The following DGKG variants were observed in gnomAD, a reference collection of about 807,000 sequenced individuals.
The protein encoded by DGKG is diacylglycerol kinase gamma, also known as DAG kinase gamma.
In DGKG, 78 loss-of-function variants were observed where a neutral mutation model predicts 105.3. That is an observed-to-expected ratio of 0.74 (90% confidence interval 0.62 to 0.89). The LOEUF is 0.89. Among genes scored for constraint, DGKG ranks in the 40% least tolerant of loss-of-function variants. The pLI is 0.00. For synonymous variants in DGKG, 346 were observed against 367.1 expected, an observed-to-expected ratio of 0.94 and a Z score of 0.66; for missense variants, 958 against 1,020.1, an observed-to-expected ratio of 0.94 and a Z score of 0.83.
intron 16 of DGKG, among the ~76,000 whole-genome samples, chr3:186,260,020 G>C (rs1430307398): frequency 1.3e-5 from 2 of 152,196 alleles, no homozygotes; most frequent in African/African-American, 4.8e-5. Context: ...GCAGAACTCT[G>C]AGTCACTGTC....
rs567161300 is a variant in DGKG at position 186,331,244 on chromosome 3, G to A, written c.-248-10537C>T. On this transcript the variant is annotated intron_variant, in intron 1 of 24. Coordinates refer to ENST00000265022, the MANE Select transcript of DGKG (RefSeq NM_001346.3). Reference sequence around the variant, plus strand: ...AAGACTGACATGCAATGACAACAACGGGGCCTTCCCCAGGTCACAGGATTC... The same window carrying A: ...AAGACTGACATGCAATGACAACAACAGGGCCTTCCCCAGGTCACAGGATTC... Among the ~76,000 whole-genome samples the A allele has an allele frequency of 2.8e-4, 43 of 152,254 alleles. No homozygotes were observed. The South Asian group carries it at 8.3e-3, about 29-fold the overall frequency.
intron 21 of DGKG, among the ~76,000 whole-genome samples, chr3:186,205,569 G>A (rs1294049534): frequency 1.3e-5 from 2 of 152,032 alleles, no homozygotes; most frequent in African/African-American, 4.8e-5. Context: ...AATTAACTAG[G>A]TGTGGTGGCG....
intron 3 of DGKG, among the ~76,000 whole-genome samples, chr3:186,305,782 G>A (rs183089737): frequency 7.0e-4 from 106 of 152,288 alleles, no homozygotes; most frequent in Non-Finnish European, 1.2e-3. Context: ...CAATGAATTG[G>A]ATGTGGGATG....
intron 19 of DGKG, among the ~76,000 whole-genome samples, chr3:186,245,053 C>T (rs1720875441): frequency 6.6e-6 from 1 of 152,312 alleles, no homozygotes; most frequent in Admixed American, 6.5e-5. Context: ...AAAGCAATCA[C>T]ATGTTGCCTG....
rs575544120 is a variant in DGKG at position 186,147,382 on chromosome 3, C to T, written c.*2708G>A. On this transcript the variant is annotated 3_prime_UTR_variant, in exon 25 of 25. Transcript: ENST00000265022. ...TAAGCCTTGTTCTCCTCATTGAGAT[C>T]GAGATAATAATACCTTCTCTGCTAA... is the stretch of plus-strand genomic sequence containing the variant. 1.8e-5 allele frequency: 18 copies of T among 978,880 alleles called. No homozygotes were observed. The South Asian group carries it at 6.6e-4, about 36-fold the overall frequency. The allele number at this position is 978,880 out of a possible 1,614,324, so 60.6% of individuals were successfully genotyped here. A position where few individuals can be genotyped will look rare whatever the true frequency, so the allele number is the denominator to read the frequency against.
intron 3 of DGKG, 111 bp downstream of exon 3, chr3:186,306,790 T>G (rs1182722593): frequency 1.4e-6 from 1 of 713,544 alleles, no homozygotes; most frequent in Non-Finnish European, 2.5e-6. Context: ...AGAGGAAACA[T>G]GCTGAGGAGC....
intron 24 of DGKG, chr3:186,160,500 T>C (rs577802657): frequency 1.0e-6 from 1 of 985,412 alleles, no homozygotes; most frequent in South Asian, 4.7e-5. Flanking sequence ...TTGGTCTTCA[T>C]AAGATTGAGG....
intron 7 of DGKG, among the ~76,000 whole-genome samples, chr3:186,281,922 C>T (rs758797547): frequency 2.0e-5 from 3 of 152,182 alleles, no homozygotes; most frequent in African/African-American, 4.8e-5. Flanking sequence ...TCATAGGGGA[C>T]GGATTCTGTT....
At chr3:186,318,887 T>A (rs1724944788) in intron 2 of DGKG, among the ~76,000 whole-genome samples, 1 of 152,190 alleles carries the variant, frequency 6.6e-6, no homozygotes, top group African/African-American at 2.4e-5. Flanking sequence ...TGGTTTTTGA[T>A]CCCCTTCTCG....
chr3:186,306,793 T>G (rs1432012304), intron 3 of DGKG, 108 bp downstream of exon 3: 3 of 726,974 alleles, frequency 4.1e-6, no homozygotes, highest in African/African-American at 1.8e-5. Flanking sequence ...GGAAACATGC[T>G]GAGGAGCAAG....
intron 2 of DGKG, among the ~76,000 whole-genome samples, chr3:186,311,618 G>C (rs1233205787): frequency 2.0e-5 from 3 of 152,118 alleles, no homozygotes; most frequent in Non-Finnish European, 4.4e-5. Flanking sequence ...ACCAAGCACT[G>C]TTCCTAGTGT....
intron 20 of DGKG, among the ~76,000 whole-genome samples, chr3:186,212,175 T>G (rs973854190): frequency 6.6e-6 from 1 of 152,190 alleles, no homozygotes; most frequent in Non-Finnish European, 1.5e-5. Flanking sequence ...TGTAGCTGCA[T>G]TAAGGAAAGA....
rs1224568770 is a variant in DGKG, at chr3:186,361,628, C to G, written c.-249+318G>C. ...TTAAGTCCAGAAGAAGAAGGAAATC[C>G]GACCAGTTGCTTTAGCAAACTGCCT... On this transcript the variant is annotated intron_variant, in intron 1 of 24. Coordinates refer to ENST00000265022, the MANE Select transcript of DGKG (RefSeq NM_001346.3). This position sits in a 1 kb window ranked among gnomAD's most constrained non-coding sequence, Gnocchi z 6.8. Among the ~76,000 whole-genome samples the G allele has an allele frequency of 6.6e-6, 1 of 152,216 alleles. No individual in the cohort carries two copies.
intron 24 of DGKG, chr3:186,160,379 T>C: frequency 6.1e-6 from 6 of 985,344 alleles, no homozygotes; most frequent in Non-Finnish European, 7.2e-6. Flanking sequence ...TTGGATAGAT[T>C]CTTCTCAACT....
chr3:186,336,681 A>G (rs1034392573), intron 1 of DGKG, among the ~76,000 whole-genome samples: 20 of 152,188 alleles, frequency 1.3e-4, no homozygotes, highest in African/African-American at 4.8e-4. Context: ...TTTGGTTGTT[A>G]ATATTGTTGA....
chr3:186,288,873 ATTTGAT>A lies in DGKG; in HGVS notation c.375_380del (p.Glu125_Asn127delinsAsp). The A allele has an allele frequency of 6.4e-7, 1 of 1,568,692 alleles. No homozygotes were observed. Among genetic ancestry groups the A allele is most frequent in the Non-Finnish European group, 8.6e-7 (1 of 1,160,548 alleles). On this transcript the variant is annotated inframe_deletion and splice_region_variant, in exon 6 of 25. Transcript: ENST00000265022. Reference sequence around the variant, plus strand: ...CAGCTGGTGCTTGCTTCTCAGCCATATTTGATTCTGCGATGAACAAAAGGAAAACAT... The same window carrying A: ...CAGCTGGTGCTTGCTTCTCAGCCATATCTGCGATGAACAAAAGGAAAACAT...
At chr3:186,340,005 G>T (rs1399195863) in intron 1 of DGKG, among the ~76,000 whole-genome samples, 1 of 152,182 alleles carries the variant, frequency 6.6e-6, no homozygotes, top group East Asian at 1.9e-4. Flanking sequence ...TCCCAGGGCC[G>T]TGCCTGGCAC....
At position 186,250,232 on chromosome 3, in the gene DGKG, C is replaced by G. The variant is rs6784743; in HGVS notation, c.1761+1527G>C. Among the ~76,000 whole-genome samples the G allele has an allele frequency of 9.7e-3, 1,473 of 152,194 alleles. 26 individuals are homozygous for G. Among genetic ancestry groups the G allele is most frequent in the African/African-American group, 0.034 (1,421 of 41,514 alleles). On this transcript the variant is annotated intron_variant, in intron 19 of 24. Transcript: ENST00000265022. ...GCACTGTGGAGAGCACACAGGTACT[C>G]AATAAATGCTAGTGGCTGTTCTCAC...
intron 21 of DGKG, among the ~76,000 whole-genome samples, chr3:186,198,790 A>G (rs1483351659): frequency 1.3e-5 from 2 of 152,226 alleles, no homozygotes; most frequent in African/African-American, 4.8e-5. Context: ...CATAATAGAG[A>G]AAGTACTGGG....
Sources: gnomAD v4.1 joint callset for allele counts (sites outside exome capture counted in the v4.1 genomes callset) on GRCh38, gnomAD v4.1.1 for gene constraint, Gnocchi (gnomAD v3.1) non-coding constraint, MANE v1.5 for transcripts, NCBI Gene and HGNC (gene_info 2026-07-23, HGNC 2026-07-21) for gene names.